The following CCL26 variants were observed in gnomAD, a reference collection of about 807,000 sequenced individuals.
The protein encoded by CCL26 is C-C motif chemokine ligand 26, also known as C-C motif chemokine 26.
In CCL26, 10 loss-of-function variants were observed where a neutral mutation model predicts 10.7. That is an observed-to-expected ratio of 0.93 (90% CI 0.57 to 1.58). The LOEUF is 1.58. CCL26 is among the 40% of genes most tolerant of loss of function. CCL26 has a pLI of 0.00. For missense variants in CCL26, 116 were observed against 111.0 expected, an observed-to-expected ratio of 1.05 and a Z score of -0.20; for synonymous variants, 43 against 41.4, an observed-to-expected ratio of 1.04 and a Z score of -0.15.
chr7:75,770,325 C>T (rs1174653193), intron 2 of CCL26, among the ~76,000 whole-genome samples: 3 of 152,138 alleles, frequency 2.0e-5, no homozygotes, highest in Admixed American at 6.6e-5. Flanking sequence ...CTGTGTTGGC[C>T]TCCCAAAGTG....
upstream of CCL26, among the ~76,000 whole-genome samples, chr7:75,791,048 CAG>C (rs1269048915): frequency 2.9e-5 from 4 of 139,944 alleles, no homozygotes; most frequent in African/African-American, 1.1e-4. Context: ...CTTTTTGAGA[CAG>C]AGTCTTGCTC....
chr7:75,776,576 GGAAGGAA>G (rs1177503177), upstream of CCL26, among the ~76,000 whole-genome samples: 1 of 143,600 alleles, frequency 7.0e-6, no homozygotes, highest in Non-Finnish European at 1.5e-5. Flanking sequence ...AAGGAAGGAA[GGAAGGAA>G]GAAGGAAAGC....
At chr7:75,772,790 G>A (rs1306520778), upstream of CCL26, among the ~76,000 whole-genome samples, 1 of 152,208 alleles carries the variant, frequency 6.6e-6, no homozygotes, top group Non-Finnish European at 1.5e-5. Context: ...GCAGGCCCCA[G>A]GGAGTCTGGT....
chr7:75,783,297 G>T (rs187136484), intron 1 of CCL26, among the ~76,000 whole-genome samples: 171 of 152,264 alleles, frequency 1.1e-3, no homozygotes, highest in African/African-American at 3.9e-3. Context: ...GAACAGGAAA[G>T]AGTTTTTTCT....
upstream of CCL26, among the ~76,000 whole-genome samples, chr7:75,790,083 T>C (rs1313672296): frequency 7.0e-6 from 1 of 142,288 alleles, no homozygotes; most frequent in Non-Finnish European, 1.5e-5. Context: ...TTTTCTTCCT[T>C]CTTCCCCAGC....
At chr7:75,791,352 G>C (rs1554530835), upstream of CCL26, among the ~76,000 whole-genome samples, 1 of 151,998 alleles carries the variant, frequency 6.6e-6, no homozygotes, top group Non-Finnish European at 1.5e-5. Context: ...TTGTGTCCGA[G>C]GCCCCCTCAG....
chr7:75,772,324 T>G, upstream of CCL26: 1 of 629,698 alleles, frequency 1.6e-6, no homozygotes, highest in Non-Finnish European at 2.9e-6. Context: ...AAAGGAAAAG[T>G]AAACTAATAC....
intron 1 of CCL26, among the ~76,000 whole-genome samples, chr7:75,780,638 T>G (rs1234867092): frequency 3.9e-5 from 6 of 152,096 alleles, no homozygotes; most frequent in Non-Finnish European, 7.4e-5. Flanking sequence ...CTTTTACACA[T>G]CAGTCCCTCG....
At chr7:75,790,131 T>TTC (rs1189850796), upstream of CCL26, among the ~76,000 whole-genome samples, 3 of 148,172 alleles carry the variant, frequency 2.0e-5, no homozygotes, top group East Asian at 2.0e-4. Flanking sequence ...CTTTCTTTCT[T>TTC]TCTCTCTCTC....
upstream of CCL26, chr7:75,789,939 C>T (rs1803285980): frequency 6.6e-6 from 1 of 152,034 alleles, no homozygotes; most frequent in Non-Finnish European, 1.5e-5. Flanking sequence ...CAACCCAGTA[C>T]AGATGTATTG....
chr7:75,771,859 C>T (rs781866249), intron 2 of CCL26, 30 bp downstream of exon 2: 2 of 1,505,174 alleles, frequency 1.3e-6, no homozygotes, highest in East Asian at 2.3e-5. Flanking sequence ...ACTGATGGGG[C>T]CCCAGAAAGT....
At chr7:75,782,380 C>A (rs987053686) in intron 1 of CCL26, among the ~76,000 whole-genome samples, 1 of 152,086 alleles carries the variant, frequency 6.6e-6, no homozygotes, top group Non-Finnish European at 1.5e-5. Context: ...GGTCATTCAC[C>A]CACATTCCCT....
intron 2 of CCL26, among the ~76,000 whole-genome samples, chr7:75,771,624 G>A (rs905158894): frequency 3.3e-5 from 5 of 152,192 alleles, no homozygotes; most frequent in Admixed American, 6.6e-5. Flanking sequence ...GCTGAGGCAG[G>A]AAAATTGCTT....
chr7:75,786,788 T>C (rs1018965947), intron 1 of CCL26, among the ~76,000 whole-genome samples: 7 of 152,230 alleles, frequency 4.6e-5, no homozygotes, highest in Non-Finnish European at 5.9e-5. Flanking sequence ...CAAATGGTTC[T>C]TAAACCAAGG....
intron 1 of CCL26, among the ~76,000 whole-genome samples, chr7:75,786,572 GC>G (rs1263361349): frequency 6.6e-6 from 1 of 152,096 alleles, no homozygotes; most frequent in Non-Finnish European, 1.5e-5. Flanking sequence ...TCTTCTCAAG[GC>G]CGCTTTACTT....
chr7:75,782,377 C>T (rs1321368799), intron 1 of CCL26, among the ~76,000 whole-genome samples: 3 of 152,124 alleles, frequency 2.0e-5, no homozygotes, highest in Admixed American at 2.0e-4. Flanking sequence ...CTTGGTCATT[C>T]ACCCACATTC....
chr7:75,775,263 CCATTTCTT>C (rs149043489), upstream of CCL26, among the ~76,000 whole-genome samples: 63 of 152,174 alleles, frequency 4.1e-4, no homozygotes, highest in Non-Finnish European at 6.8e-4. Context: ...ATCTATATTC[CCATTTCTT>C]CTACCTATTG....
intron 1 of CCL26, among the ~76,000 whole-genome samples, chr7:75,788,724 C>CA (rs1224411808): frequency 0.025 from 2,531 of 100,362 alleles, 49 homozygotes; most frequent in African/African-American, 0.059. Flanking sequence ...AGACTCCGTC[C>CA]AAAAAAAAAA....
At chr7:75,791,316 G>T (rs889041265), upstream of CCL26, among the ~76,000 whole-genome samples, 1 of 152,184 alleles carries the variant, frequency 6.6e-6, no homozygotes, top group Non-Finnish European at 1.5e-5. Flanking sequence ...GAGCCACCAC[G>T]CCTGGCTGAA....
Sources: gnomAD v4.1 joint callset for allele counts (sites outside exome capture counted in the v4.1 genomes callset) on GRCh38, gnomAD v4.1.1 for gene constraint, MANE v1.5 for transcripts, NCBI Gene and HGNC (gene_info 2026-07-23, HGNC 2026-07-21) for gene names.